PRR36: variants seen among roughly 807,000 people sequenced by gnomAD.
The protein encoded by PRR36 is proline rich 36, also known as proline-rich protein 36.
PRR36 carries 30 observed loss-of-function variants against 58.6 expected under a neutral mutation model. The ratio of observed to expected loss-of-function variants is 0.51; its 90% CI spans 0.38 to 0.69. The LOEUF is 0.69. PRR36 is among the 30% of genes least tolerant of loss of function. The pLI is 0.00. For synonymous variants in PRR36, 771 were observed against 829.3 expected (o/e 0.93, Z 1.21); for missense variants, 1,692 against 1,805.6 (o/e 0.94, Z 1.14).
chr19:7,869,799 G>C lies in PRR36; in HGVS notation c.3445C>G (p.Pro1149Ala). Residue 1149 changes from proline to alanine, a missense_variant, in exon 5 of 6, where the codon CCC (proline) becomes GCC (alanine). Around this residue, in one of 5 missense-constraint regions of PRR36, gnomAD observed 485 missense variants for 549.2 expected, o/e 0.88. Coordinates refer to ENST00000618550, the MANE Select transcript of PRR36 (RefSeq NM_001190467.2). Reference protein sequence around the residue: ...GPEGGAAASPPPDAELAACHP... With the variant: ...GPEGGAAASPAPDAELAACHP... ...CAAGCGGCGAGCTCTGCGTCGGGGG[G>C]CGGGGAGGCTGCGGCACCGCCCTCG... 3 of 1,356,336 alleles carry C rather than the reference G, an allele frequency of 2.2e-6. No individual in the cohort carries two copies. Among genetic ancestry groups the C allele is most frequent in the East Asian group, 3.1e-5 (1 of 32,288 alleles). The allele number at this position is 1,356,336 out of a possible 1,614,324, so 84.0% of individuals were successfully genotyped here.
In PRR36 at chr19:7,872,126, G is replaced by T. The variant is rs939631136; in HGVS notation, c.1118C>A (p.Ala373Asp). 2 of 1,517,686 alleles carry T rather than the reference G, an allele frequency of 1.3e-6. No individual in the cohort carries two copies. The highest frequency in any genetic ancestry group is 4.1e-5 in the Admixed American group (2 of 49,184). 94.0% of individuals were successfully genotyped at this position (1,517,686 alleles called of 1,614,324 possible). The stretch of plus-strand genomic sequence containing the variant: ...AGGTGGAGCAGAGGGAGAAGGAGGG[G>T]CTAGAGGAAGGGGCGTGGCCAACTG... Reference protein sequence around the residue: ...TCQLATPLPLAPPSPSAPPSL... With the variant: ...TCQLATPLPLDPPSPSAPPSL... The change falls in exon 5 of 6, where the codon GCC becomes GAC. Residue 373 changes from alanine to aspartate, a missense_variant. Ala to Asp is a moderately radical substitution (Grantham distance 126, BLOSUM62 -2). Coordinates refer to ENST00000618550, the MANE Select transcript of PRR36 (RefSeq NM_001190467.2). The surrounding 1 kb of genome is among the most constrained non-coding windows in gnomAD (Gnocchi z 6.1).
Position 7,870,350 on chromosome 19 carries a change from G to A in PRR36, c.2894C>T (p.Ala965Val). Residue 965 changes from alanine to valine, a missense_variant, in exon 5 of 6, where the codon GCC becomes GTC. Physicochemically the swap from Ala to Val is moderately conservative, Grantham distance 64 (BLOSUM62 0). Around this residue, in one of 5 missense-constraint regions of PRR36, gnomAD observed 23 missense variants for 54.2 expected, o/e 0.42. Coordinates refer to ENST00000618550, the MANE Select transcript of PRR36 (RefSeq NM_001190467.2). Reference protein sequence around the residue: ...PPLQVPPSPPASPPMSPSATP... With the variant: ...PPLQVPPSPPVSPPMSPSATP... ...GGCCGAAGGAGACATTGGGGGAGAG[G>A]CAGGGGGAGAGGGTGGGACCTGCAG... The A allele has an allele frequency of 1.2e-6, 1 of 864,060 alleles. No individual in the cohort carries two copies. The highest frequency in any genetic ancestry group is 3.1e-5 in the African/African-American group (1 of 32,034). 53.5% of individuals were successfully genotyped at this position (864,060 alleles called of 1,614,324 possible).
In PRR36 at chr19:7,870,779, G is replaced by A. The variant is rs1165700372; in HGVS notation, c.2465C>T (p.Ser822Leu). The A allele has an allele frequency of 2.8e-6, 4 of 1,424,000 alleles. No homozygotes were observed. The allele number at this position is 1,424,000 out of a possible 1,614,324, so 88.2% of individuals were successfully genotyped here. ...PPPQAPPALA[S>L]PPLQGLPSPP... ...AGAGGGCAGGCCCTGCAAAGGGGGT[G>A]AGGCCAGAGCAGGTGGGGCCTGTGG... is the stretch of plus-strand genomic sequence containing the variant. Residue 822 changes from serine (S) to leucine (L), a missense_variant, in exon 5 of 6, where the codon TCA becomes TTA. Coordinates refer to ENST00000618550, the MANE Select transcript of PRR36 (RefSeq NM_001190467.2).
chr19:7,869,013 A>C lies in PRR36; in HGVS notation c.*20T>G. The C allele has an allele frequency of 6.7e-7, 1 of 1,490,776 alleles. No individual in the cohort carries two copies. Among genetic ancestry groups the C allele is most frequent in the Non-Finnish European group, 8.9e-7 (1 of 1,122,468 alleles). 92.3% of individuals were successfully genotyped at this position (1,490,776 alleles called of 1,614,324 possible). ...TCCTAAGGCAGGGGTGGGGTGTAGC[A>C]GGCGGGGCTGTGGTCTGGCTCAGTG... is the stretch of plus-strand genomic sequence containing the variant. On this transcript the variant is annotated 3_prime_UTR_variant, in exon 6 of 6. Transcript: ENST00000618550.
Position 7,872,793 on chromosome 19 carries a change from C to T in PRR36, c.488-37G>A. The T allele has an allele frequency of 6.6e-7, 1 of 1,526,514 alleles. No individual in the cohort carries two copies. The highest frequency in any genetic ancestry group is 8.8e-7 in the Non-Finnish European group (1 of 1,142,128). 94.6% of individuals were successfully genotyped at this position (1,526,514 alleles called of 1,614,324 possible). A position where few individuals can be genotyped will look rare whatever the true frequency, so the allele number is the denominator to read the frequency against. ...GTAGAAGGCCAAGGGTCACCGATAC[C>T]TCTGAGGCGGCTCCCCTTGCTGCCC... On this transcript the variant is annotated intron_variant, in intron 4 of 5. Coordinates refer to ENST00000618550, the MANE Select transcript of PRR36 (RefSeq NM_001190467.2). The surrounding 1 kb of genome is among the most constrained non-coding windows in gnomAD (Gnocchi z 6.1).
Position 7,869,127 on chromosome 19 carries a change from C to T in PRR36, c.3947G>A (p.Arg1316His). ...AELLSPLDESRASITSVTSFS... is the reference protein window; with the variant it reads ...AELLSPLDESHASITSVTSFS... ...GCTGGTGACCGAGGTGATGCTGGCA[C>T]GGGACTCGTCCAGGGGAGACAGTAG... Residue 1316 changes from arginine to histidine, a missense_variant, in exon 6 of 6, where the codon CGT becomes CAT. Coordinates refer to ENST00000618550, the MANE Select transcript of PRR36 (RefSeq NM_001190467.2). 1 of 1,535,242 alleles carries T rather than the reference C, an allele frequency of 6.5e-7. No homozygotes were observed. The highest frequency in any genetic ancestry group is 1.2e-5 in the South Asian group (1 of 84,002).
At position 7,873,476 on chromosome 19, in the gene PRR36, C is replaced by T; in HGVS notation, c.214G>A (p.Glu72Lys). The change falls in exon 2 of 6, where the codon GAG becomes AAG. Residue 72 changes from glutamate to lysine, a missense_variant. Physicochemically the swap from Glu to Lys is moderately conservative, Grantham distance 56. Transcript: ENST00000618550. The surrounding 1 kb of genome is among the most constrained non-coding windows in gnomAD (Gnocchi z 5.0). Reference sequence around the variant, plus strand: ...GTTGGTCCCGCTCGGGGAGCAGACTCGGGAATAGTGGCCCCGCCGATGCCC... The same window carrying T: ...GTTGGTCCCGCTCGGGGAGCAGACTTGGGAATAGTGGCCCCGCCGATGCCC... ...AGGIGGATIP[E>K]SAPRAGPTRS... The T allele has an allele frequency of 9.8e-6, 15 of 1,534,948 alleles. No homozygotes were observed. Among genetic ancestry groups the T allele is most frequent in the Non-Finnish European group, 1.3e-5 (15 of 1,146,754 alleles).
chr19:7,869,515 C>A lies in PRR36; in HGVS notation c.3559G>T (p.Gly1187Ter). Residue 1187 changes from glycine to a stop codon, truncating the protein, a stop_gained, in exon 6 of 6, where the codon GGA (glycine) becomes TGA (stop). Coordinates refer to ENST00000618550, the MANE Select transcript of PRR36 (RefSeq NM_001190467.2). LOFTEE classifies it low-confidence loss of function (END_TRUNC). ...GAPLPWPPAT[G>*]PGSADGLCTI... ...CACAGACCGTCAGCAGAGCCCGGTC[C>A]GGTAGCGGGAGGCCACGGCAGGGGC... 6.6e-7 allele frequency: 1 copy of A among 1,519,494 alleles called. No homozygotes were observed. Among genetic ancestry groups the A allele is most frequent in the Non-Finnish European group, 8.8e-7 (1 of 1,139,768 alleles). The allele number at this position is 1,519,494 out of a possible 1,614,324, so 94.1% of individuals were successfully genotyped here. A position where few individuals can be genotyped will look rare whatever the true frequency, so the allele number is the denominator to read the frequency against.
rs1980215739 is a variant in PRR36, at chr19:7,868,735, C to T, written c.*298G>A. ...GCGAAGGTGTGCAAGTCCCAGTGTC[C>T]CAGTTTTATTGCAAACTCAGGCTGT... On this transcript the variant is annotated 3_prime_UTR_variant, in exon 6 of 6. Coordinates refer to ENST00000618550, the MANE Select transcript of PRR36 (RefSeq NM_001190467.2). The T allele has an allele frequency of 3.0e-6, 1 of 333,654 alleles. No homozygotes were observed. The highest frequency in any genetic ancestry group is 2.1e-5 in the African/African-American group (1 of 46,790). The allele number at this position is 333,654 out of a possible 1,614,324, so 20.7% of individuals were successfully genotyped here.
Position 7,871,410 on chromosome 19 carries a change from G to A in PRR36, c.1834C>T (p.Gln612Ter), listed in dbSNP as rs1294775760. ...GGTGAGCCCAAAGAAGTTGTGGCCTGCAGAGAGGACAAAGCCAGAGGAGAG... is the reference window on the plus strand; with the variant it reads ...GGTGAGCCCAAAGAAGTTGTGGCCTACAGAGAGGACAAAGCCAGAGGAGAG... ...PPSPLALSSL[Q>*]ATTSLGSPTL... Residue 612 changes from glutamine (Q) to a stop codon, truncating the protein, a stop_gained, in exon 5 of 6, where the codon CAG becomes TAG. Coordinates refer to ENST00000618550, the MANE Select transcript of PRR36 (RefSeq NM_001190467.2). LOFTEE classifies it high-confidence loss of function. The A allele has an allele frequency of 6.5e-7, 1 of 1,535,790 alleles. No homozygotes were observed. The highest frequency in any genetic ancestry group is 8.7e-7 in the Non-Finnish European group (1 of 1,146,818).
At position 7,871,626 on chromosome 19, in the gene PRR36, T is replaced by C; in HGVS notation, c.1618A>G (p.Thr540Ala). ...AGAGGAGGATCCTGCAGAGAGACTG[T>C]GGTCAAAGGAGAGGGAGAGGCCTGC... ...PLQASPSPLTTVSLQDPPLVS... is the reference protein window; with the variant it reads ...PLQASPSPLTAVSLQDPPLVS... Residue 540 changes from threonine (T) to alanine (A), a missense_variant, in exon 5 of 6, where the codon ACA (threonine) becomes GCA (alanine). Coordinates refer to ENST00000618550, the MANE Select transcript of PRR36 (RefSeq NM_001190467.2). 2 of 1,534,664 alleles carry C rather than the reference T, an allele frequency of 1.3e-6. No individual in the cohort carries two copies. Among genetic ancestry groups the C allele is most frequent in the Non-Finnish European group, 8.7e-7 (1 of 1,146,542 alleles).
chr19:7,872,351 G>C lies in PRR36; in HGVS notation c.893C>G (p.Pro298Arg), dbSNP rs1057123268. Reference protein sequence around the residue: ...PRKDAAPALGPLSSSPLATPS... With the variant: ...PRKDAAPALGRLSSSPLATPS... ...TGTGGCCAAAGGAGAGGAAGAAAGC[G>C]GTCCTAGTGCTGGGGCTGCGTCCTT... is the stretch of plus-strand genomic sequence containing the variant. Residue 298 changes from proline (P) to arginine (R), a missense_variant, in exon 5 of 6, where the codon CCG (proline) becomes CGG (arginine). By Grantham distance (103) the Pro-to-Arg change is moderately radical (BLOSUM62 -2). Coordinates refer to ENST00000618550, the MANE Select transcript of PRR36 (RefSeq NM_001190467.2). This position sits in a 1 kb window ranked among gnomAD's most constrained non-coding sequence, Gnocchi z 6.1. 62 of 1,451,550 alleles carry C rather than the reference G, an allele frequency of 4.3e-5. No individual in the cohort carries two copies. Among genetic ancestry groups the C allele is most frequent in the Non-Finnish European group, 5.1e-5 (56 of 1,108,146 alleles). The allele number at this position is 1,451,550 out of a possible 1,614,324, so 89.9% of individuals were successfully genotyped here. A position where few individuals can be genotyped will look rare whatever the true frequency, so the allele number is the denominator to read the frequency against.
Position 7,872,980 on chromosome 19 carries a change from AC to A in PRR36, c.375-20del, listed in dbSNP as rs1980536716. On this transcript the variant is annotated intron_variant, in intron 3 of 5. Coordinates refer to ENST00000618550, the MANE Select transcript of PRR36 (RefSeq NM_001190467.2). This position sits in a 1 kb window ranked among gnomAD's most constrained non-coding sequence, Gnocchi z 6.1. ...GCCTGGCCTGGAGACAGAAGGGGCC[AC>A]GCTCAGGCCTAGGTCTTTGTTTGGC... is the stretch of plus-strand genomic sequence containing the variant. 1 of 1,522,530 alleles carries A rather than the reference AC, an allele frequency of 6.6e-7. No individual in the cohort carries two copies. The highest frequency in any genetic ancestry group is 2.4e-5 in the East Asian group (1 of 40,838). 94.3% of individuals were successfully genotyped at this position (1,522,530 alleles called of 1,614,324 possible). A position where few individuals can be genotyped will look rare whatever the true frequency, so the allele number is the denominator to read the frequency against.
chr19:7,869,828 C>T lies in PRR36; in HGVS notation c.3416G>A (p.Gly1139Glu). Residue 1139 changes from glycine to glutamate, a missense_variant, in exon 5 of 6, where the codon GGG becomes GAG. By Grantham distance (98) the Gly-to-Glu change is moderately conservative. Transcript: ENST00000618550. ...TPEELRGYDS[G>E]PEGGAAASPP... ...GGAGGCTGCGGCACCGCCCTCGGGC[C>T]CGCTGTCGTAGCCACGCAGCTCCTC... 7.4e-7 allele frequency: 1 copy of T among 1,350,362 alleles called. No individual in the cohort carries two copies. The highest frequency in any genetic ancestry group is 9.5e-7 in the Non-Finnish European group (1 of 1,057,978). The allele number at this position is 1,350,362 out of a possible 1,614,324, so 83.6% of individuals were successfully genotyped here. A position where few individuals can be genotyped will look rare whatever the true frequency, so the allele number is the denominator to read the frequency against.
rs911914767 is a variant in PRR36 at position 7,871,982 on chromosome 19, G to A, written c.1262C>T (p.Ala421Val). Reference sequence around the variant, plus strand: ...GGATGAAACTGATGGAGAGACTGAAGCCACAAAAGCGGCTGTGGCCAGGGA... The same window carrying A: ...GGATGAAACTGATGGAGAGACTGAAACCACAAAAGCGGCTGTGGCCAGGGA... ...VSSLATAAFV[A>V]SVSPSVSSPL... The change falls in exon 5 of 6, where the codon GCT (alanine) becomes GTT (valine). Residue 421 changes from alanine (A) to valine (V), a missense_variant. By Grantham distance (64) the Ala-to-Val change is moderately conservative. Transcript: ENST00000618550. 3.6e-5 allele frequency: 56 copies of A among 1,535,474 alleles called. No homozygotes were observed. The highest frequency in any genetic ancestry group is 4.5e-5 in the Non-Finnish European group (52 of 1,146,812).
In PRR36 at chr19:7,874,044, A is replaced by G. The variant is rs1980592794; in HGVS notation, c.-8+242T>C. Among the ~76,000 whole-genome samples, 1 of 151,008 alleles carries G rather than the reference A, an allele frequency of 6.6e-6. No individual in the cohort carries two copies. The highest frequency in any genetic ancestry group is 1.5e-5 in the Non-Finnish European group (1 of 67,854). On this transcript the variant is annotated intron_variant, in intron 1 of 5. Transcript: ENST00000618550. This position sits in a 1 kb window ranked among gnomAD's most constrained non-coding sequence, Gnocchi z 6.0. Reference sequence around the variant, plus strand: ...AGACCGCCAGCCTCGAGAGCGGGGGACTGCCACGGGCTCAGGATGTCGCAT... The same window carrying G: ...AGACCGCCAGCCTCGAGAGCGGGGGGCTGCCACGGGCTCAGGATGTCGCAT...
In PRR36 at chr19:7,870,217, C is replaced by T; in HGVS notation, c.3027G>A (p.Gln1009=). 2.8e-6 allele frequency: 4 copies of T among 1,406,926 alleles called. No individual in the cohort carries two copies. The highest frequency in any genetic ancestry group is 3.7e-6 in the Non-Finnish European group (4 of 1,088,594). 87.2% of individuals were successfully genotyped at this position (1,406,926 alleles called of 1,614,324 possible). Residue 1009 remains glutamine, a synonymous_variant, in exon 5 of 6, where the codon CAG becomes CAA. Coordinates refer to ENST00000618550, the MANE Select transcript of PRR36 (RefSeq NM_001190467.2). The part of the protein sequence containing the change: ...PMSPLAKPPP[Q]APPALATPPL... ...GAGGTGTGGCCAGAGCAGGTGGGGC[C>T]TGTGGAGGGGGCTTAGCCAAAGGAG...
rs1311260065 is a variant in PRR36 at position 7,872,315 on chromosome 19, G to A, written c.929C>T (p.Ser310Leu). The change falls in exon 5 of 6, where the codon TCG (serine) becomes TTG (leucine). Residue 310 changes from serine to leucine, a missense_variant. This residue lies in a region of PRR36 where 975 missense variants were observed against 955.2 expected (regional missense o/e 1.02). Transcript: ENST00000618550. The surrounding 1 kb of genome is among the most constrained non-coding windows in gnomAD (Gnocchi z 6.1). Reference protein sequence around the residue: ...SSSPLATPSPSGTKARPVPPP... With the variant: ...SSSPLATPSPLGTKARPVPPP... ...CGGTACGGGTCTTGCCTTGGTACCC[G>A]ATGGAGAGGGTGTGGCCAAAGGAGA... 6.9e-6 allele frequency: 10 copies of A among 1,454,200 alleles called. No individual in the cohort carries two copies. In the East Asian group the frequency reaches 2.0e-4, roughly 29 times the overall value. The allele number at this position is 1,454,200 out of a possible 1,614,324, so 90.1% of individuals were successfully genotyped here.
rs1299065030 is a variant in PRR36 at position 7,869,922 on chromosome 19, G to A, written c.3322C>T (p.Arg1108Cys). 1 of 1,366,510 alleles carries A rather than the reference G, an allele frequency of 7.3e-7. No individual in the cohort carries two copies. The highest frequency in any genetic ancestry group is 9.4e-7 in the Non-Finnish European group (1 of 1,067,104). The allele number at this position is 1,366,510 out of a possible 1,614,324, so 84.6% of individuals were successfully genotyped here. The change falls in exon 5 of 6, where the codon CGC becomes TGC. Residue 1108 changes from arginine to cysteine, a missense_variant. By Grantham distance (180) the Arg-to-Cys change is radical. This residue lies in a region of PRR36 where 485 missense variants were observed against 549.2 expected (regional missense o/e 0.88). Coordinates refer to ENST00000618550, the MANE Select transcript of PRR36 (RefSeq NM_001190467.2). ...LAPGPPPPPS[R>C]SPSSTLSGPD... ...CCGCTCAGCGTGCTGGACGGGCTGCGCGAGGGCGGCGGCGGCGGGCCGGGG... is the reference window on the plus strand; with the variant it reads ...CCGCTCAGCGTGCTGGACGGGCTGCACGAGGGCGGCGGCGGCGGGCCGGGG...
Sources: gnomAD v4.1 joint callset for allele counts (sites outside exome capture counted in the v4.1 genomes callset) on GRCh38, gnomAD v4.1.1 for gene constraint, gnomAD v4.1.1 regional missense constraint, Gnocchi (gnomAD v3.1) non-coding constraint, MANE v1.5 for transcripts, NCBI Gene and HGNC (gene_info 2026-07-23, HGNC 2026-07-21) for gene names.